MCF2L: variants seen among roughly 807,000 people sequenced by gnomAD.
MCF2L encodes the protein MCF.2 cell line derived transforming sequence like.
In MCF2L, 97 loss-of-function variants were observed where a neutral mutation model predicts 153.4. The ratio of observed to expected loss-of-function variants is 0.63; its 90% confidence interval spans 0.54 to 0.75. The LOEUF (loss-of-function observed/expected upper bound fraction) is 0.75, where lower values mean the gene tolerates loss of function less well. Ranked by LOEUF, MCF2L falls within the 30% of genes least tolerant of loss-of-function variation. MCF2L has a pLI of 0.00. For missense variants in MCF2L, 1,347 were observed against 1,495.2 expected, an observed-to-expected ratio of 0.90 and a Z score of 1.64; for synonymous variants, 659 against 632.2, an observed-to-expected ratio of 1.04 and a Z score of -0.64.
chr13:113,061,064 G>T (rs928377387), intron 5 of MCF2L, among the ~76,000 whole-genome samples: 20 of 152,228 alleles, frequency 1.3e-4, no homozygotes, highest in African/African-American at 4.8e-4. Flanking sequence ...TGGCCCACCC[G>T]CGAGGAACTC....
At chr13:113,065,805 G>T (rs924737621) in intron 7 of MCF2L, among the ~76,000 whole-genome samples, 2 of 152,180 alleles carry the variant, frequency 1.3e-5, no homozygotes, top group South Asian at 4.1e-4. Context: ...ACCTTAACCC[G>T]TTGCCCTGAG....
chr13:113,058,225 G>A (rs757615612), intron 4 of MCF2L, among the ~76,000 whole-genome samples: 60 of 149,666 alleles, frequency 4.0e-4, no homozygotes, highest in African/African-American at 1.1e-3. Context: ...GTGTTTGGGC[G>A]CTGAGTGTTT....
chr13:112,916,993 C>T, intron 2 of MCF2L: 1 of 451,366 alleles, frequency 2.2e-6, no homozygotes, highest in Non-Finnish European at 4.6e-6. Context: ...ATCCCTCTTC[C>T]CACTCCAGGG....
At chr13:112,973,161 G>A (rs943015793) in intron 1 of MCF2L, among the ~76,000 whole-genome samples, 10 of 152,134 alleles carry the variant, frequency 6.6e-5, no homozygotes, top group Admixed American at 2.0e-4. Context: ...CCAGCCCAGC[G>A]GTTTCTGACG....
At chr13:112,953,928 C>T (rs534092903) in intron 2 of MCF2L, among the ~76,000 whole-genome samples, 25 of 152,304 alleles carry the variant, frequency 1.6e-4, no homozygotes, top group African/African-American at 5.3e-4. Flanking sequence ...GTTTCCAGGT[C>T]GCATATGAGT....
intron 1 of MCF2L, among the ~76,000 whole-genome samples, chr13:113,013,970 T>C (rs1413059306): frequency 6.7e-6 from 1 of 150,336 alleles, no homozygotes; most frequent in African/African-American, 2.5e-5. Flanking sequence ...GAGCTGATGC[T>C]GGCCTAGTGC....
At chr13:113,084,859 A>G in intron 18 of MCF2L, 33 bp from the exon 19 acceptor site, 11 of 1,539,442 alleles carry the variant, frequency 7.1e-6, no homozygotes, top group Non-Finnish European at 9.9e-6. Flanking sequence ...CCCATCCCTC[A>G]CTGCGTGATG....
intron 25 of MCF2L, 107 bp from the exon 26 acceptor site, chr13:113,089,503 T>G: frequency 1.3e-6 from 1 of 751,024 alleles, no homozygotes; most frequent in South Asian, 1.7e-5. Context: ...TGCTTTAGGA[T>G]CAGGCCGGGA....
At position 113,031,624 on chromosome 13, in the gene MCF2L, G is replaced by A. The variant is rs1048899333; in HGVS notation, c.278+6866G>A. 2.6e-5 allele frequency among the ~76,000 whole-genome samples: 4 copies of A among 152,076 alleles called. No homozygotes were observed. The highest frequency in any genetic ancestry group is 5.9e-5 in the Non-Finnish European group (4 of 68,006). On this transcript the variant is annotated intron_variant, in intron 3 of 29. Coordinates refer to ENST00000535094, the MANE Select transcript of MCF2L (RefSeq NM_001112732.3). This position sits in a 1 kb window ranked among gnomAD's most constrained non-coding sequence, Gnocchi z 5.5. ...GGAGCTGGGAGATGGGGAGGAGGGC[G>A]GCGGCCCTCAGAGAAGGGACGAGGT... is the stretch of plus-strand genomic sequence containing the variant.
At chr13:113,063,401 G>A (rs997338809) in intron 5 of MCF2L, among the ~76,000 whole-genome samples, 5 of 143,198 alleles carry the variant, frequency 3.5e-5, no homozygotes, top group South Asian at 2.2e-4. Context: ...AGCTGCCCAC[G>A]GTGTCCAGAC....
At chr13:112,975,406 C>T (rs903942226) in intron 1 of MCF2L, among the ~76,000 whole-genome samples, 38 of 152,228 alleles carry the variant, frequency 2.5e-4, no homozygotes, top group African/African-American at 8.2e-4. Flanking sequence ...CCAGCTCTGC[C>T]ATCTGTGGCT....
chr13:113,066,756 C>A (rs1034511301), intron 8 of MCF2L, among the ~76,000 whole-genome samples: 23 of 151,730 alleles, frequency 1.5e-4, no homozygotes, highest in Admixed American at 1.3e-4. Context: ...CCCCAAGCCT[C>A]CCATGTCCCA....
Position 113,053,676 on chromosome 13 carries a change from G to A in MCF2L, c.370-6917G>A, listed in dbSNP as rs1444809442. ...CTGCCTGAATGGGTGGTTCGGTGGTGGTTGCCACAGGGCTGTGTTTTCAAG... is the reference window on the plus strand; with the variant it reads ...CTGCCTGAATGGGTGGTTCGGTGGTAGTTGCCACAGGGCTGTGTTTTCAAG... On this transcript the variant is annotated intron_variant, in intron 4 of 29. Transcript: ENST00000535094. The surrounding 1 kb of genome is among the most constrained non-coding windows in gnomAD (Gnocchi z 4.4). Among the ~76,000 whole-genome samples the A allele has an allele frequency of 6.6e-6, 1 of 152,196 alleles. No homozygotes were observed. The highest frequency in any genetic ancestry group is 1.9e-4 in the East Asian group (1 of 5,184).
At chr13:112,988,765 A>G (rs2082759402) in intron 1 of MCF2L, among the ~76,000 whole-genome samples, 1 of 130,846 alleles carries the variant, frequency 7.6e-6, no homozygotes, top group African/African-American at 3.0e-5. Flanking sequence ...CAGGGGATGG[A>G]GCTACCATGC....
At chr13:112,997,087 A>G (rs1259805902) in intron 1 of MCF2L, among the ~76,000 whole-genome samples, 1 of 152,162 alleles carries the variant, frequency 6.6e-6, no homozygotes, top group Non-Finnish European at 1.5e-5. Flanking sequence ...CCGTGAACGG[A>G]GGGACTCTGA....
At chr13:113,001,746 A>G (rs1180957009) in intron 1 of MCF2L, 2 of 1,363,022 alleles carry the variant, frequency 1.5e-6, no homozygotes, top group African/African-American at 3.1e-5. Context: ...TGGGAGGAGC[A>G]GCCGGCTGGC....
chr13:113,020,211 C>T (rs2084788931), intron 2 of MCF2L, among the ~76,000 whole-genome samples: 1 of 152,180 alleles, frequency 6.6e-6, no homozygotes, highest in Non-Finnish European at 1.5e-5. Context: ...GTAAATTAAC[C>T]ACTGGAATGC....
chr13:112,959,090 A>T (rs2081794059), intron 2 of MCF2L, among the ~76,000 whole-genome samples: 1 of 152,182 alleles, frequency 6.6e-6, no homozygotes, highest in Non-Finnish European at 1.5e-5. Flanking sequence ...ATAAATGTTA[A>T]CCTAGAGGTT....
intron 2 of MCF2L, among the ~76,000 whole-genome samples, chr13:112,947,953 T>A (rs1052467124): frequency 1.3e-5 from 2 of 152,218 alleles, no homozygotes; most frequent in Non-Finnish European, 2.9e-5. Context: ...TCTTGCACTC[T>A]GTGTGCCTGC....
Sources: gnomAD v4.1 joint callset for allele counts (sites outside exome capture counted in the v4.1 genomes callset) on GRCh38, gnomAD v4.1.1 for gene constraint, Gnocchi (gnomAD v3.1) non-coding constraint, MANE v1.5 for transcripts, NCBI Gene and HGNC (gene_info 2026-07-23, HGNC 2026-07-21) for gene names.